The following PNPLA7 variants were observed in gnomAD, a reference collection of about 807,000 sequenced individuals.
PNPLA7 encodes the protein patatin like domain 7, lysophospholipase.
Under a neutral mutation model 161.7 loss-of-function variants are expected in PNPLA7, and 153 were observed. The ratio of observed to expected loss-of-function variants is 0.95; its 90% CI spans 0.83 to 1.08. The LOEUF (loss-of-function observed/expected upper bound fraction) is 1.08. PNPLA7 is among the 50% of genes least tolerant of loss of function. The pLI, the probability that PNPLA7 is intolerant of heterozygous loss-of-function variation, is 0.00. For missense variants in PNPLA7, 1,739 were observed against 1,856.6 expected, an observed-to-expected ratio of 0.94 and a Z score of 1.16; for synonymous variants, 809 against 782.1, an observed-to-expected ratio of 1.03 and a Z score of -0.57.
intron 20 of PNPLA7, 37 bp downstream of exon 20, chr9:137,492,976 G>C: frequency 1.3e-6 from 2 of 1,589,066 alleles, no homozygotes; most frequent in Non-Finnish European, 1.7e-6. Context: ...CTGGGTGAGG[G>C]CTCCCAGGAG....
intron 11 of PNPLA7, chr9:137,516,276 TG>T: frequency 1.0e-6 from 1 of 974,108 alleles, no homozygotes; most frequent in Non-Finnish European, 1.2e-6. Context: ...TCGCCTGGGA[TG>T]GGCCACGCAG....
At chr9:137,522,970 C>T (rs1021100287) in intron 8 of PNPLA7, 113 bp from the exon 9 acceptor site, 17 of 1,423,548 alleles carry the variant, frequency 1.2e-5, no homozygotes, top group Non-Finnish European at 9.6e-6. Flanking sequence ...AGTCACACGG[C>T]TCCATTCTCC....
intron 12 of PNPLA7, among the ~76,000 whole-genome samples, chr9:137,513,034 C>G (rs778048035): frequency 6.6e-6 from 1 of 150,566 alleles, no homozygotes; most frequent in African/African-American, 2.4e-5. Context: ...CCCGATGGCA[C>G]AAAAAAAGCA....
chr9:137,466,099 G>A (rs936646178), intron 26 of PNPLA7, among the ~76,000 whole-genome samples: 2 of 152,156 alleles, frequency 1.3e-5, no homozygotes, highest in African/African-American at 4.8e-5. Context: ...CCCAGGCCGG[G>A]TGCCATGCAC....
At chr9:137,491,696 C>T (rs1231108032) in intron 20 of PNPLA7, 17 of 985,332 alleles carry the variant, frequency 1.7e-5, no homozygotes, top group South Asian at 1.4e-4. Flanking sequence ...GCTCACACTT[C>T]GCTGCCTCTG....
At position 137,547,716 on chromosome 9, in the gene PNPLA7, G is replaced by A. The variant is rs1415887314; in HGVS notation, c.31-57C>T. 6 of 1,518,368 alleles carry A rather than the reference G, an allele frequency of 4.0e-6. No individual in the cohort carries two copies. The African/African-American group carries it at 5.5e-5, about 14-fold the overall frequency. The allele number at this position is 1,518,368 out of a possible 1,614,324, so 94.1% of individuals were successfully genotyped here. On this transcript the variant is annotated intron_variant, in intron 1 of 34. Coordinates refer to ENST00000406427, the MANE Select transcript of PNPLA7 (RefSeq NM_001098537.3). The surrounding 1 kb of genome is among the most constrained non-coding windows in gnomAD (Gnocchi z 4.6). ...TGGACAGGCTTCCCAGCCCGAACTT[G>A]TTCAGAGCAGCAGGAGGAGAGCTGG...
At chr9:137,507,457 G>A (rs1295287325) in intron 12 of PNPLA7, among the ~76,000 whole-genome samples, 1 of 152,134 alleles carries the variant, frequency 6.6e-6, no homozygotes, top group Admixed American at 6.5e-5. Context: ...GTCGCCTAAG[G>A]TTGGGGGTTC....
At chr9:137,464,863 CA>C in intron 26 of PNPLA7, 1 of 220,228 alleles carries the variant, frequency 4.5e-6, no homozygotes, top group Non-Finnish European at 9.2e-6. Flanking sequence ...GTTCCTGGGC[CA>C]GGGGGACACA....
intron 26 of PNPLA7, among the ~76,000 whole-genome samples, chr9:137,465,862 C>T (rs1288801329): frequency 6.6e-6 from 1 of 152,194 alleles, no homozygotes; most frequent in African/African-American, 2.4e-5. Context: ...GGAGGGCAGA[C>T]GGTGGCCACG....
At chr9:137,531,996 G>A (rs1835604856) in intron 8 of PNPLA7, among the ~76,000 whole-genome samples, 2 of 152,176 alleles carry the variant, frequency 1.3e-5, no homozygotes, top group Non-Finnish European at 2.9e-5. Flanking sequence ...AGAACTACGA[G>A]GCTCAGCAAT....
intron 9 of PNPLA7, among the ~76,000 whole-genome samples, chr9:137,522,287 G>A (rs907546312): frequency 1.3e-5 from 2 of 149,898 alleles, no homozygotes; most frequent in Non-Finnish European, 1.5e-5. Context: ...TGTGAGCCAG[G>A]ATGGTCTCGA....
chr9:137,509,613 G>A, intron 12 of PNPLA7: 1 of 397,848 alleles, frequency 2.5e-6, no homozygotes, highest in Non-Finnish European at 5.3e-6. Flanking sequence ...AGTTTAGCTA[G>A]TATGAATGAG....
chr9:137,524,440 C>T lies in PNPLA7; in HGVS notation c.748-1583G>A, dbSNP rs997283652. Among the ~76,000 whole-genome samples the T allele has an allele frequency of 2.6e-5, 4 of 152,204 alleles. No homozygotes were observed. Among genetic ancestry groups the T allele is most frequent in the African/African-American group, 7.2e-5 (3 of 41,436 alleles). The stretch of plus-strand genomic sequence containing the variant: ...TTGCAGTGTCTCCTCGTGAAGGCCT[C>T]GCAGGGTCTCCGTCCATTCAGCAGT... On this transcript the variant is annotated intron_variant, in intron 8 of 34. Coordinates refer to ENST00000406427, the MANE Select transcript of PNPLA7 (RefSeq NM_001098537.3). This position sits in a 1 kb window ranked among gnomAD's most constrained non-coding sequence, Gnocchi z 4.4.
intron 20 of PNPLA7, among the ~76,000 whole-genome samples, chr9:137,491,290 C>G (rs765149169): frequency 6.6e-6 from 1 of 152,072 alleles, no homozygotes; most frequent in African/African-American, 2.4e-5. Flanking sequence ...AGAGAAAATA[C>G]AGTAGTGTTT....
chr9:137,500,645 A>C lies in PNPLA7; in HGVS notation c.1757+46T>G. 6.4e-7 allele frequency: 1 copy of C among 1,558,642 alleles called. No homozygotes were observed. The highest frequency in any genetic ancestry group is 8.8e-7 in the Non-Finnish European group (1 of 1,142,300). ...GCCACGCGGGGAGGGGTCTCAGGGC[A>C]GGGGGGGCTGGGGCCCGCCCTGAGG... is the stretch of plus-strand genomic sequence containing the variant. On this transcript the variant is annotated intron_variant, in intron 16 of 34. Coordinates refer to ENST00000406427, the MANE Select transcript of PNPLA7 (RefSeq NM_001098537.3). This position sits in a 1 kb window ranked among gnomAD's most constrained non-coding sequence, Gnocchi z 5.5.
intron 11 of PNPLA7, among the ~76,000 whole-genome samples, chr9:137,519,511 A>G (rs961527195): frequency 1.3e-5 from 2 of 152,122 alleles, no homozygotes; most frequent in African/African-American, 4.8e-5. Context: ...ACGTAATGAG[A>G]CCGTTGGAGG....
Position 137,478,026 on chromosome 9 carries a change from G to T in PNPLA7, c.2882+8C>A. The T allele has an allele frequency of 1.4e-6, 2 of 1,418,386 alleles. No homozygotes were observed. The highest frequency in any genetic ancestry group is 1.6e-5 in the South Asian group (1 of 61,558). The allele number at this position is 1,418,386 out of a possible 1,614,324, so 87.9% of individuals were successfully genotyped here. A position where few individuals can be genotyped will look rare whatever the true frequency, so the allele number is the denominator to read the frequency against. ...AGTGAGGAGTGTGTAGGAAGCGGGGGGACTCACCTTGCTCCCCCTCCCCCA... is the reference window on the plus strand; with the variant it reads ...AGTGAGGAGTGTGTAGGAAGCGGGGTGACTCACCTTGCTCCCCCTCCCCCA... On this transcript the variant is annotated splice_region_variant and intron_variant, in intron 25 of 34. Transcript: ENST00000406427.
chr9:137,480,031 C>T (rs1010199219), intron 23 of PNPLA7, among the ~76,000 whole-genome samples: 1 of 152,226 alleles, frequency 6.6e-6, no homozygotes, highest in Non-Finnish European at 1.5e-5. Context: ...AAAGGTTAGT[C>T]CTGGAAAAGG....
chr9:137,494,441 C>T (rs1014649853), intron 19 of PNPLA7, among the ~76,000 whole-genome samples: 3 of 152,202 alleles, frequency 2.0e-5, no homozygotes, highest in Non-Finnish European at 4.4e-5. Flanking sequence ...TAATCTTCAC[C>T]TCCTCCAGGT....
Sources: allele counts gnomAD v4.1 joint callset (sites outside exome capture counted in the v4.1 genomes callset), GRCh38; gene constraint gnomAD v4.1.1; non-coding constraint Gnocchi (gnomAD v3.1); transcripts MANE v1.5; gene names NCBI Gene and HGNC (gene_info 2026-07-23, HGNC 2026-07-21).